CDH18: variants seen among roughly 807,000 people sequenced by gnomAD.
CDH18 encodes the protein cadherin 18.
Under a neutral mutation model 67.9 loss-of-function variants are expected in CDH18, and 31 were observed. The ratio of observed to expected loss-of-function variants is 0.46; its 90% confidence interval spans 0.34 to 0.62. CDH18 has a LOEUF of 0.62. Among genes scored for constraint, CDH18 ranks in the 20% least tolerant of loss-of-function variants. The probability of loss-of-function intolerance (pLI) is 0.01; values close to 1 mark genes in which losing one functional copy is unlikely to be tolerated. For missense variants in CDH18, 890 were observed against 975.5 expected, an observed-to-expected ratio of 0.91 and a Z score of 1.17; for synonymous variants, 362 against 347.2, an observed-to-expected ratio of 1.04 and a Z score of -0.48.
chr5:19,878,490 G>A (rs1372807143), intron 2 of CDH18, among the ~76,000 whole-genome samples: 1 of 152,092 alleles, frequency 6.6e-6, no homozygotes, highest in African/African-American at 2.4e-5. Context: ...GCCTGTGAAT[G>A]TTGTCTGCTT....
At chr5:20,192,351 T>G (rs1392266232) in intron 2 of CDH18, among the ~76,000 whole-genome samples, 1 of 152,090 alleles carries the variant, frequency 6.6e-6, no homozygotes. Context: ...AGCTCTTTAG[T>G]TTAATTAGAT....
chr5:20,515,650 T>C (rs1288233596), intron 1 of CDH18, among the ~76,000 whole-genome samples: 1 of 152,142 alleles, frequency 6.6e-6, no homozygotes, highest in Non-Finnish European at 1.5e-5. Flanking sequence ...TAAGACAAGT[T>C]AGCCAACAGT....
chr5:19,974,997 A>C (rs1561663807), intron 2 of CDH18, among the ~76,000 whole-genome samples: 1 of 152,106 alleles, frequency 6.6e-6, no homozygotes, highest in Non-Finnish European at 1.5e-5. Context: ...AACAATATCT[A>C]CCTACACTCC....
At chr5:20,172,207 T>C (rs1289274187) in intron 2 of CDH18, among the ~76,000 whole-genome samples, 5 of 65,818 alleles carry the variant, frequency 7.6e-5, no homozygotes, top group African/African-American at 2.2e-4. Context: ...TATATATATA[T>C]ATATATATAT....
intron 1 of CDH18, among the ~76,000 whole-genome samples, chr5:20,518,650 C>T (rs945687756): frequency 3.3e-5 from 5 of 152,052 alleles, no homozygotes; most frequent in Admixed American, 2.0e-4. Flanking sequence ...TATTTCTTTG[C>T]CAAAAGTACA....
chr5:19,514,640 T>G (rs1158951173), intron 10 of CDH18, among the ~76,000 whole-genome samples: 1 of 152,238 alleles, frequency 6.6e-6, no homozygotes, highest in African/African-American at 2.4e-5. Context: ...TGCATAAATG[T>G]CTTCTTTTGA....
intron 2 of CDH18, among the ~76,000 whole-genome samples, chr5:20,092,610 G>A (rs1166793812): frequency 1.3e-5 from 2 of 152,112 alleles, no homozygotes; most frequent in Non-Finnish European, 2.9e-5. Context: ...GAATTATCAT[G>A]AAAATATATA....
intron 9 of CDH18, among the ~76,000 whole-genome samples, chr5:19,533,970 T>C (rs888541433): frequency 3.3e-5 from 5 of 152,182 alleles, no homozygotes; most frequent in African/African-American, 1.2e-4. Flanking sequence ...TTGAGTGATT[T>C]GAAGTTTCTT....
In CDH18 at chr5:20,036,477, A is replaced by G. The variant is rs549712163; in HGVS notation, c.-517-44463T>C. On this transcript the variant is annotated intron_variant, in intron 2 of 14. Transcript: ENST00000507958. ...GTCAAAGCTCTGTCCTTGGGCTGTCATGTTCAAAGCTTTTAAATGACTAGA... is the reference window on the plus strand; with the variant it reads ...GTCAAAGCTCTGTCCTTGGGCTGTCGTGTTCAAAGCTTTTAAATGACTAGA... Among the ~76,000 whole-genome samples the G allele has an allele frequency of 1.1e-4, 17 of 152,096 alleles. 1 individual carries two copies. In the South Asian group the frequency reaches 3.5e-3, roughly 32 times the overall value.
chr5:19,523,962 G>C (rs1038770501), intron 9 of CDH18, among the ~76,000 whole-genome samples: 1 of 152,002 alleles, frequency 6.6e-6, no homozygotes, highest in African/African-American at 2.4e-5. Context: ...ACAAATTGTT[G>C]TTCTCAGAAA....
At chr5:20,390,902 CAT>C (rs1466835705) in intron 1 of CDH18, among the ~76,000 whole-genome samples, 3 of 151,904 alleles carry the variant, frequency 2.0e-5, no homozygotes, top group African/African-American at 4.8e-5. Context: ...AAACCAAACA[CAT>C]GTTCTCACTC....
At chr5:20,368,119 A>G (rs1742672469) in intron 1 of CDH18, among the ~76,000 whole-genome samples, 1 of 152,200 alleles carries the variant, frequency 6.6e-6, no homozygotes, top group African/African-American at 2.4e-5. Context: ...ACCATTTTTC[A>G]TTATAGCAAA....
intron 9 of CDH18, among the ~76,000 whole-genome samples, chr5:19,538,663 C>G (rs1749784068): frequency 6.6e-6 from 1 of 152,012 alleles, no homozygotes; most frequent in Admixed American, 6.6e-5. Context: ...AGAATAAGCA[C>G]AGATTTAGGG....
At chr5:20,130,091 T>C (rs902291347) in intron 2 of CDH18, among the ~76,000 whole-genome samples, 2 of 150,116 alleles carry the variant, frequency 1.3e-5, no homozygotes, top group Non-Finnish European at 3.0e-5. Context: ...ATTATTATTA[T>C]TATTGAATGT....
intron 1 of CDH18, among the ~76,000 whole-genome samples, chr5:20,361,199 G>A (rs74403896): frequency 0.021 from 3,250 of 151,912 alleles, 84 homozygotes; most frequent in African/African-American, 0.055. Context: ...AATGATATCA[G>A]TCAAAAGAAA....
At chr5:20,497,927 A>G (rs930332088) in intron 1 of CDH18, among the ~76,000 whole-genome samples, 3 of 152,084 alleles carry the variant, frequency 2.0e-5, no homozygotes, top group South Asian at 4.1e-4. Flanking sequence ...TGGAGTCCCC[A>G]TGAATGAGAT....
At chr5:20,542,103 G>T (rs150795288) in intron 1 of CDH18, among the ~76,000 whole-genome samples, 26 of 151,962 alleles carry the variant, frequency 1.7e-4, no homozygotes, top group Non-Finnish European at 3.7e-4. Context: ...GCACCACCAC[G>T]CCTAGCTAAT....
chr5:19,917,049 G>A (rs933694452), intron 2 of CDH18, among the ~76,000 whole-genome samples: 15 of 152,142 alleles, frequency 9.9e-5, no homozygotes, highest in South Asian at 2.1e-4. Flanking sequence ...TCTGTTAACC[G>A]CATGTTTGAA....
intron 4 of CDH18, among the ~76,000 whole-genome samples, chr5:19,722,591 A>T (rs2150583777): frequency 6.6e-6 from 1 of 151,618 alleles, no homozygotes; most frequent in Admixed American, 6.6e-5. Flanking sequence ...TCTAAATGAA[A>T]ACTTAATCTA....
Sources: allele counts gnomAD v4.1 joint callset (sites outside exome capture counted in the v4.1 genomes callset), GRCh38; gene constraint gnomAD v4.1.1; transcripts MANE v1.5; gene names NCBI Gene and HGNC (gene_info 2026-07-23, HGNC 2026-07-21).